The following SNTB2 variants were observed in gnomAD, a reference collection of about 807,000 sequenced individuals.
SNTB2 encodes the protein syntrophin beta 2.
In SNTB2, 34 loss-of-function variants were observed where a neutral mutation model predicts 46.2. That is an observed-to-expected ratio of 0.74 (90% CI 0.56 to 0.98). SNTB2 has a LOEUF of 0.98. Ranked by LOEUF, SNTB2 falls within the 50% of genes least tolerant of loss-of-function variation. SNTB2 has a pLI of 0.00. For missense variants in SNTB2, 603 were observed against 731.4 expected (o/e 0.82, Z 2.02); for synonymous variants, 290 against 312.6 (o/e 0.93, Z 0.76).
At chr16:69,280,533 C>CG (rs1214583984) in intron 4 of SNTB2, among the ~76,000 whole-genome samples, 1 of 138,930 alleles carries the variant, frequency 7.2e-6, no homozygotes, top group African/African-American at 3.3e-5. Context: ...GCTGGCCGGG[C>CG]GGGGGGCTCA....
At chr16:69,221,945 C>T (rs1210860160) in intron 1 of SNTB2, among the ~76,000 whole-genome samples, 2 of 152,172 alleles carry the variant, frequency 1.3e-5, no homozygotes, top group African/African-American at 4.8e-5. Context: ...AAAACAAAAC[C>T]TACTGAAGCC....
At chr16:69,263,648 C>T (rs1964857440) in intron 3 of SNTB2, among the ~76,000 whole-genome samples, 3 of 149,954 alleles carry the variant, frequency 2.0e-5, no homozygotes, top group East Asian at 4.0e-4. Flanking sequence ...GAACTCCTGA[C>T]CTCAAGTGAT....
intron 5 of SNTB2, 120 bp downstream of exon 5, chr16:69,284,364 T>C: frequency 1.5e-6 from 1 of 678,772 alleles, no homozygotes; most frequent in East Asian, 3.0e-5. Flanking sequence ...TCCCCTCAGA[T>C]TATACTACTA....
chr16:69,286,031 G>T (rs937616136), intron 5 of SNTB2, among the ~76,000 whole-genome samples: 11 of 152,050 alleles, frequency 7.2e-5, no homozygotes, highest in Admixed American at 2.0e-4. Flanking sequence ...GACCTCAGGT[G>T]ATCCACCGAC....
At chr16:69,270,605 AG>A (rs1306403870) in intron 4 of SNTB2, among the ~76,000 whole-genome samples, 3 of 152,214 alleles carry the variant, frequency 2.0e-5, no homozygotes, top group Non-Finnish European at 4.4e-5. Context: ...GACTGTGACT[AG>A]AAAACCACTG....
At chr16:69,242,261 A>G (rs940138229) in intron 1 of SNTB2, among the ~76,000 whole-genome samples, 1 of 152,048 alleles carries the variant, frequency 6.6e-6, no homozygotes, top group African/African-American at 2.4e-5. Context: ...CCTTGTCTCT[A>G]CAAAAAATTA....
At chr16:69,209,954 C>T (rs1234799998) in intron 1 of SNTB2, among the ~76,000 whole-genome samples, 1 of 151,818 alleles carries the variant, frequency 6.6e-6, no homozygotes, top group Non-Finnish European at 1.5e-5. Flanking sequence ...CTTAGAGATC[C>T]CCATTATTGT....
rs1567416412 is a variant in SNTB2 at position 69,292,392 on chromosome 16, ATATATATATATATAT to A, written c.1346-7186_1346-7172del. ...TATATATATATATTATATATATATTATATATATATATATATTATATATATATTATATATATATATA... is the reference window on the plus strand; with the variant it reads ...TATATATATATATTATATATATATTATATATATATATTATATATATATATA... On this transcript the variant is annotated intron_variant, in intron 5 of 6. Coordinates refer to ENST00000336278, the MANE Select transcript of SNTB2 (RefSeq NM_006750.4). 3.9e-3 allele frequency among the ~76,000 whole-genome samples: 102 copies of A among 26,362 alleles called. 13 individuals are homozygous for A. Among genetic ancestry groups the A allele is most frequent in the Non-Finnish European group, 5.1e-3 (83 of 16,298 alleles). 17.3% of individuals were successfully genotyped at this position (26,362 alleles called of 152,430 possible). A position where few individuals can be genotyped will look rare whatever the true frequency, so the allele number is the denominator to read the frequency against.
intron 1 of SNTB2, among the ~76,000 whole-genome samples, chr16:69,207,284 G>A (rs2152291194): frequency 6.6e-6 from 1 of 151,640 alleles, no homozygotes; most frequent in East Asian, 1.9e-4. Context: ...TTCCCGAGTA[G>A]CTTGGACTAT....
chr16:69,270,396 C>T (rs112000952), intron 4 of SNTB2, 111 bp downstream of exon 4: 104 of 1,340,308 alleles, frequency 7.8e-5, no homozygotes, highest in African/African-American at 4.6e-4. Flanking sequence ...ATTTAAGTAG[C>T]GGATATAGTT....
chr16:69,194,343 A>G (rs1964083684), intron 1 of SNTB2, among the ~76,000 whole-genome samples: 1 of 152,060 alleles, frequency 6.6e-6, no homozygotes, highest in Admixed American at 6.6e-5. Context: ...TGGAGTTTCT[A>G]TTGTATTCCA....
chr16:69,256,625 G>T (rs1347502241), intron 2 of SNTB2, among the ~76,000 whole-genome samples: 3 of 152,108 alleles, frequency 2.0e-5, no homozygotes, highest in Non-Finnish European at 1.5e-5. Flanking sequence ...CAATGTTGAT[G>T]CATGTTGTAA....
chr16:69,292,391 T>C (rs796194644), intron 5 of SNTB2, among the ~76,000 whole-genome samples: 2,829 of 10,020 alleles, frequency 0.28, 490 homozygotes, highest in Admixed American at 0.3. Context: ...ATATATATAT[T>C]ATATATATAT....
chr16:69,278,103 G>A (rs1347356904), intron 4 of SNTB2, among the ~76,000 whole-genome samples: 1 of 152,162 alleles, frequency 6.6e-6, no homozygotes, highest in East Asian at 1.9e-4. Context: ...GATCACTTGA[G>A]CTCAGGAGTT....
At chr16:69,289,676 C>T (rs1965141391) in intron 5 of SNTB2, among the ~76,000 whole-genome samples, 1 of 152,078 alleles carries the variant, frequency 6.6e-6, no homozygotes, top group South Asian at 2.1e-4. Context: ...TGGTTCGCAC[C>T]TATAATCCCA....
intron 4 of SNTB2, among the ~76,000 whole-genome samples, chr16:69,281,515 A>T (rs865879167): frequency 4.2e-5 from 6 of 141,686 alleles, no homozygotes; most frequent in Non-Finnish European, 7.6e-5. Context: ...TTTTTTTTAC[A>T]TATGGATGTC....
chr16:69,257,457 A>G (rs1392203964), intron 2 of SNTB2, among the ~76,000 whole-genome samples: 1 of 109,086 alleles, frequency 9.2e-6, no homozygotes, highest in African/African-American at 4.0e-5. Flanking sequence ...TTATTTATTT[A>G]TTTTCTTGAG....
At chr16:69,292,398 ATATATATATTATATATATATTATATATAT>A (rs1965175621) in intron 5 of SNTB2, among the ~76,000 whole-genome samples, 1 of 29,834 alleles carries the variant, frequency 3.4e-5, no homozygotes, top group Non-Finnish European at 5.3e-5. Flanking sequence ...TATTATATAT[ATATATATATTATATATATATTATATATAT>A]ATATATATTA....
At chr16:69,214,817 G>A (rs1380830812) in intron 1 of SNTB2, among the ~76,000 whole-genome samples, 1 of 151,302 alleles carries the variant, frequency 6.6e-6, no homozygotes, top group Non-Finnish European at 1.5e-5. Context: ...GTGAGCCACC[G>A]TGCCTGGCCT....
Sources: allele counts gnomAD v4.1 joint callset (sites outside exome capture counted in the v4.1 genomes callset), GRCh38; gene constraint gnomAD v4.1.1; transcripts MANE v1.5; gene names NCBI Gene and HGNC (gene_info 2026-07-23, HGNC 2026-07-21).